Variants in CNTN3 observed in about 807,000 individuals in gnomAD.
CNTN3 encodes the protein contactin 3.
A neutral mutation model predicts 119.1 loss-of-function variants in CNTN3; 60 were observed. The observed-to-expected ratio is 0.50, with a 90% CI of 0.41 to 0.62. The LOEUF (loss-of-function observed/expected upper bound fraction) is 0.62, where lower values mean the gene tolerates loss of function less well. Ranked by LOEUF, CNTN3 falls within the 20% of genes least tolerant of loss-of-function variation. The pLI, the probability that CNTN3 is intolerant of heterozygous loss-of-function variation, is 0.00. For missense variants in CNTN3, 1,101 were observed against 1,242.4 expected (o/e 0.89, Z 1.71); for synonymous variants, 450 against 438.7 (o/e 1.03, Z -0.32).
chr3:74,559,184 GT>G (rs1172668709), intron 1 of CNTN3, among the ~76,000 whole-genome samples: 1 of 152,006 alleles, frequency 6.6e-6, no homozygotes, highest in Non-Finnish European at 1.5e-5. Flanking sequence ...ACTTTACAAA[GT>G]TTCCTTGTCT....
At chr3:74,363,087 C>G (rs1326421306) in intron 10 of CNTN3, among the ~76,000 whole-genome samples, 1 of 152,166 alleles carries the variant, frequency 6.6e-6, no homozygotes, top group East Asian at 1.9e-4. Context: ...TAAACTATGG[C>G]TCATCAGCTT....
chr3:74,287,423 T>TA (rs1378911547), intron 19 of CNTN3, among the ~76,000 whole-genome samples: 2 of 152,310 alleles, frequency 1.3e-5, no homozygotes, highest in South Asian at 4.1e-4. Context: ...AATAATCTAT[T>TA]AAAATGGCAT....
intron 1 of CNTN3, among the ~76,000 whole-genome samples, chr3:74,603,504 C>T (rs560969690): frequency 2.6e-5 from 4 of 152,182 alleles, no homozygotes; most frequent in South Asian, 4.1e-4. Flanking sequence ...TCTCATGCAA[C>T]GCAGATGAAT....
intron 1 of CNTN3, among the ~76,000 whole-genome samples, chr3:74,535,943 C>T (rs1490909756): frequency 6.6e-6 from 1 of 152,022 alleles, no homozygotes; most frequent in Middle Eastern, 3.2e-3. Flanking sequence ...GGGTTGGTCA[C>T]TCCATTGCTC....
intron 4 of CNTN3, among the ~76,000 whole-genome samples, chr3:74,464,086 A>T (rs1259498563): frequency 6.6e-6 from 1 of 152,150 alleles, no homozygotes; most frequent in Admixed American, 6.6e-5. Flanking sequence ...TAGTTAAAGC[A>T]TGAACTTTAG....
intron 13 of CNTN3, among the ~76,000 whole-genome samples, 178 bp downstream of exon 13, chr3:74,334,557 C>T (rs1033715402): frequency 2.6e-5 from 4 of 152,174 alleles, no homozygotes; most frequent in Non-Finnish European, 5.9e-5. Flanking sequence ...TAAATGTGTT[C>T]AATTTCTGGT....
At chr3:74,416,762 T>G (rs1295509136) in intron 5 of CNTN3, among the ~76,000 whole-genome samples, 1 of 152,056 alleles carries the variant, frequency 6.6e-6, no homozygotes. Context: ...CCGAAGCGGT[T>G]GGATCACTTG....
At chr3:74,375,072 T>C (rs1704445975) in intron 5 of CNTN3, among the ~76,000 whole-genome samples, 1 of 152,172 alleles carries the variant, frequency 6.6e-6, no homozygotes, top group Non-Finnish European at 1.5e-5. Flanking sequence ...AATTTTATAT[T>C]AAAAGCACAA....
chr3:74,388,027 T>C (rs377222594), intron 5 of CNTN3, among the ~76,000 whole-genome samples: 6 of 152,330 alleles, frequency 3.9e-5, no homozygotes, highest in Admixed American at 3.3e-4. Context: ...TAAAGGTGGA[T>C]GGTGGACCCA....
intron 1 of CNTN3, among the ~76,000 whole-genome samples, chr3:74,606,487 T>C (rs1244210747): frequency 6.6e-6 from 1 of 151,900 alleles, no homozygotes; most frequent in Non-Finnish European, 1.5e-5. Context: ...AGAGTATGTA[T>C]GTGTGAATGG....
chr3:74,405,705 T>C (rs1391311065), intron 5 of CNTN3, among the ~76,000 whole-genome samples: 11 of 152,132 alleles, frequency 7.2e-5, no homozygotes, highest in Non-Finnish European at 1.5e-5. Flanking sequence ...TAAACTGCTG[T>C]TTCTTTCTGC....
intron 4 of CNTN3, among the ~76,000 whole-genome samples, chr3:74,426,764 T>C (rs1701702293): frequency 6.6e-6 from 1 of 152,216 alleles, no homozygotes; most frequent in Non-Finnish European, 1.5e-5. Context: ...TCTCTTGGAA[T>C]GTAACTAACT....
chr3:74,396,524 A>G (rs1297829675), intron 5 of CNTN3, among the ~76,000 whole-genome samples: 1 of 152,108 alleles, frequency 6.6e-6, no homozygotes, highest in East Asian at 1.9e-4. Flanking sequence ...AGGCGGGTGG[A>G]TCATCAGGTC....
chr3:74,376,095 T>C (rs563308336), intron 5 of CNTN3, among the ~76,000 whole-genome samples: 202 of 152,156 alleles, frequency 1.3e-3, no homozygotes, highest in African/African-American at 4.6e-3. Context: ...CTCTAGAAAC[T>C]GCAAAAGGGA....
intron 7 of CNTN3, 46 bp downstream of exon 7, chr3:74,369,843 G>T: frequency 1.0e-6 from 1 of 993,466 alleles, no homozygotes; most frequent in Non-Finnish European, 1.6e-6. Context: ...ATTTCTTATA[G>T]CAACCTAATA....
chr3:74,404,498 A>G (rs965361737), intron 5 of CNTN3, among the ~76,000 whole-genome samples: 1 of 152,108 alleles, frequency 6.6e-6, no homozygotes, highest in Non-Finnish European at 1.5e-5. Context: ...CTCCCAACAG[A>G]GAATGAAGTC....
chr3:74,478,900 T>C (rs1174584781), intron 4 of CNTN3, among the ~76,000 whole-genome samples: 1 of 152,112 alleles, frequency 6.6e-6, no homozygotes, highest in Non-Finnish European at 1.5e-5. Flanking sequence ...TGAGAAGCTA[T>C]TACAACTATT....
chr3:74,338,145 T>C (rs1575735936), intron 11 of CNTN3, among the ~76,000 whole-genome samples: 1 of 152,048 alleles, frequency 6.6e-6, no homozygotes, highest in Non-Finnish European at 1.5e-5. Context: ...TTAAAAATAT[T>C]TGCAACCCCA....
intron 4 of CNTN3, among the ~76,000 whole-genome samples, chr3:74,484,375 A>T (rs2107036429): frequency 6.6e-6 from 1 of 152,314 alleles, no homozygotes; most frequent in African/African-American, 2.4e-5. Flanking sequence ...GAATACAAAA[A>T]TATGAATCAG....
Sources: allele counts gnomAD v4.1 joint callset (sites outside exome capture counted in the v4.1 genomes callset), GRCh38; gene constraint gnomAD v4.1.1; transcripts MANE v1.5; gene names NCBI Gene and HGNC (gene_info 2026-07-23, HGNC 2026-07-21).